EVI5L: variants seen among roughly 807,000 people sequenced by gnomAD.
EVI5L encodes the protein EVI5-like protein.
A neutral mutation model predicts 106.1 loss-of-function variants in EVI5L; 30 were observed. The observed-to-expected ratio is 0.28, with a 90% CI of 0.21 to 0.38. The LOEUF (loss-of-function observed/expected upper bound fraction) is 0.38, where lower values mean the gene tolerates loss of function less well. Among genes scored for constraint, EVI5L ranks in the 10% least tolerant of loss-of-function variants. The pLI, the probability that EVI5L is intolerant of heterozygous loss-of-function variation, is 1.00. For missense variants in EVI5L, 809 were observed against 1,098.0 expected, an observed-to-expected ratio of 0.74 and a Z score of 3.72; for synonymous variants, 489 against 483.3, an observed-to-expected ratio of 1.01 and a Z score of -0.15.
rs1001144769 is a variant in EVI5L, at chr19:7,858,107, C to T, written c.1234-84C>T. ...CTTCCCCCCACCTCCACTCTCTGGG[C>T]CTCCCCCTGTGGCGGGAGGCAGGGC... On this transcript the variant is annotated intron_variant, in intron 12 of 19. Transcript: ENST00000538904. The surrounding 1 kb of genome is among the most constrained non-coding windows in gnomAD (Gnocchi z 5.7). The T allele has an allele frequency of 6.7e-7, 1 of 1,495,896 alleles. No individual in the cohort carries two copies. The highest frequency in any genetic ancestry group is 9.0e-7 in the Non-Finnish European group (1 of 1,115,026). The allele number at this position is 1,495,896 out of a possible 1,614,324, so 92.7% of individuals were successfully genotyped here.
chr19:7,858,480 G>C lies in EVI5L; in HGVS notation c.1374+149G>C. The C allele has an allele frequency of 2.0e-6, 2 of 999,160 alleles. No individual in the cohort carries two copies. Among genetic ancestry groups the C allele is most frequent in the Non-Finnish European group, 2.8e-6 (2 of 703,994 alleles). The allele number at this position is 999,160 out of a possible 1,614,324, so 61.9% of individuals were successfully genotyped here. A position where few individuals can be genotyped will look rare whatever the true frequency, so the allele number is the denominator to read the frequency against. ...TGGGGTAAGGGGAACCCAGAGACAA[G>C]CGCAGATTCTCCCCCAGCAGCTCCA... On this transcript the variant is annotated intron_variant, in intron 13 of 19. Transcript: ENST00000538904. This position sits in a 1 kb window ranked among gnomAD's most constrained non-coding sequence, Gnocchi z 5.7.
rs1392239701 is a variant in EVI5L at position 7,860,480 on chromosome 19, C to T, written c.1375-81C>T. On this transcript the variant is annotated intron_variant, in intron 13 of 19. Coordinates refer to ENST00000538904, the MANE Select transcript of EVI5L (RefSeq NM_001159944.3). Reference sequence around the variant, plus strand: ...TCCCTGCTGAAGGGCTCTGGGGAGGCGGGGAGAAGCCAGCAGGCATGGAGG... The same window carrying T: ...TCCCTGCTGAAGGGCTCTGGGGAGGTGGGGAGAAGCCAGCAGGCATGGAGG... The T allele has an allele frequency of 1.7e-5, 22 of 1,271,562 alleles. No homozygotes were observed. The East Asian group carries it at 3.7e-4, about 21-fold the overall frequency. 78.8% of individuals were successfully genotyped at this position (1,271,562 alleles called of 1,614,324 possible).
rs927084397 is a variant in EVI5L, at chr19:7,863,368, T to G, written c.2140-56T>G. The G allele has an allele frequency of 3.9e-6, 6 of 1,537,754 alleles. No individual in the cohort carries two copies. In the African/African-American group the frequency reaches 8.3e-5, roughly 21 times the overall value. ...GCAGGTGCCTTGCGGAGGATGCGGC[T>G]GGGAGGGCGGGGCAGAAGGCCGGTC... On this transcript the variant is annotated intron_variant, in intron 19 of 19. Coordinates refer to ENST00000538904, the MANE Select transcript of EVI5L (RefSeq NM_001159944.3). This position sits in a 1 kb window ranked among gnomAD's most constrained non-coding sequence, Gnocchi z 7.7.
chr19:7,857,266 T>C lies in EVI5L; in HGVS notation c.1233+142T>C. 8.6e-7 allele frequency: 1 copy of C among 1,162,262 alleles called. No homozygotes were observed. The highest frequency in any genetic ancestry group is 1.2e-6 in the Non-Finnish European group (1 of 800,430). 72.0% of individuals were successfully genotyped at this position (1,162,262 alleles called of 1,614,324 possible). A position where few individuals can be genotyped will look rare whatever the true frequency, so the allele number is the denominator to read the frequency against. On this transcript the variant is annotated intron_variant, in intron 12 of 19. Coordinates refer to ENST00000538904, the MANE Select transcript of EVI5L (RefSeq NM_001159944.3). The surrounding 1 kb of genome is among the most constrained non-coding windows in gnomAD (Gnocchi z 4.5). The stretch of plus-strand genomic sequence containing the variant: ...GCATGGAGCAGCTGGGGACCGCTTC[T>C]GGGGGACACAGAGGCTTCCCGGGGG...
intron 1 of EVI5L, among the ~76,000 whole-genome samples, chr19:7,843,617 G>T (rs1978808845): frequency 6.7e-6 from 1 of 150,094 alleles, no homozygotes; most frequent in Non-Finnish European, 1.5e-5. Context: ...GTATAGGTGT[G>T]TGTGAATAGG....
Position 7,863,369 on chromosome 19 carries a change from G to GGGA in EVI5L, c.2140-52_2140-50dup. On this transcript the variant is annotated intron_variant, in intron 19 of 19. Coordinates refer to ENST00000538904, the MANE Select transcript of EVI5L (RefSeq NM_001159944.3). This position sits in a 1 kb window ranked among gnomAD's most constrained non-coding sequence, Gnocchi z 7.7. ...CAGGTGCCTTGCGGAGGATGCGGCTGGGAGGGCGGGGCAGAAGGCCGGTCC... is the reference window on the plus strand; with the variant it reads ...CAGGTGCCTTGCGGAGGATGCGGCTGGGAGGAGGGCGGGGCAGAAGGCCGGTCC... 6.5e-7 allele frequency: 1 copy of GGGA among 1,537,078 alleles called. No individual in the cohort carries two copies. The highest frequency in any genetic ancestry group is 1.4e-5 in the African/African-American group (1 of 72,614).
Position 7,848,053 on chromosome 19 carries a change from C to T in EVI5L, c.327+132C>T. 6 of 983,792 alleles carry T rather than the reference C, an allele frequency of 6.1e-6. No individual in the cohort carries two copies. The South Asian group carries it at 6.9e-5, about 11-fold the overall frequency. 60.9% of individuals were successfully genotyped at this position (983,792 alleles called of 1,614,324 possible). On this transcript the variant is annotated intron_variant, in intron 3 of 19. Transcript: ENST00000538904. The surrounding 1 kb of genome is among the most constrained non-coding windows in gnomAD (Gnocchi z 4.8). The stretch of plus-strand genomic sequence containing the variant: ...AGCGGCAGCAGTGGAGATGTGCAGG[C>T]ACTTTCAGGGTGTCCTGCCAGAGCA...
At position 7,851,463 on chromosome 19, in the gene EVI5L, C is replaced by T; in HGVS notation, c.783C>T (p.Phe261=). ...AGCTCCCAGACCTCAACACCCACTTCCGTTCCCAAAGCTTCCACACATCCA... is the reference window on the plus strand; with the variant it reads ...AGCTCCCAGACCTCAACACCCACTTTCGTTCCCAAAGCTTCCACACATCCA... ...QEQLPDLNTH[F]RSQSFHTSMY... Residue 261 remains phenylalanine, a synonymous_variant, in exon 7 of 20, where the codon TTC becomes TTT. Transcript: ENST00000538904. 1 of 1,613,266 alleles carries T rather than the reference C, an allele frequency of 6.2e-7. No individual in the cohort carries two copies. Among genetic ancestry groups the T allele is most frequent in the Non-Finnish European group, 8.5e-7 (1 of 1,179,614 alleles).
intron 10 of EVI5L, 129 bp downstream of exon 10, chr19:7,853,462 G>A (rs1979363263): frequency 7.7e-7 from 1 of 1,294,348 alleles, no homozygotes; most frequent in Non-Finnish European, 1.1e-6. Flanking sequence ...GTCCTTGGCG[G>A]ACAGGCCTCC....
At chr19:7,844,331 CA>C (rs71179149) in intron 1 of EVI5L, among the ~76,000 whole-genome samples, 66,096 of 131,810 alleles carry the variant, frequency 0.5, 16,033 homozygotes, top group South Asian at 0.74. Flanking sequence ...GACTCCGTCT[CA>C]AAAAAAAAAA....
intron 1 of EVI5L, among the ~76,000 whole-genome samples, chr19:7,833,574 C>A (rs1978304950): frequency 6.6e-6 from 1 of 152,234 alleles, no homozygotes; most frequent in South Asian, 2.1e-4. Flanking sequence ...ACGTATGGAC[C>A]AGGTCACAGG....
intron 13 of EVI5L, among the ~76,000 whole-genome samples, chr19:7,860,048 T>C (rs1017131354): frequency 2.6e-5 from 4 of 152,202 alleles, no homozygotes; most frequent in African/African-American, 9.6e-5. Flanking sequence ...GGGCCCCCAC[T>C]GGGGAACTTC....
At chr19:7,836,473 C>A (rs1978348219) in intron 1 of EVI5L, among the ~76,000 whole-genome samples, 1 of 152,156 alleles carries the variant, frequency 6.6e-6, no homozygotes, top group Non-Finnish European at 1.5e-5. Flanking sequence ...AGAGCTGCAG[C>A]ACAGCGGGTG....
chr19:7,854,294 A>AAG (rs906333601), intron 10 of EVI5L, among the ~76,000 whole-genome samples: 2 of 128,770 alleles, frequency 1.6e-5, no homozygotes, highest in Admixed American at 8.6e-5. Context: ...AAAAAAAAAA[A>AAG]AAAGAAAAGA....
intron 1 of EVI5L, among the ~76,000 whole-genome samples, chr19:7,837,941 G>A (rs752430702): frequency 3.3e-5 from 5 of 152,034 alleles, no homozygotes; most frequent in Non-Finnish European, 7.4e-5. Flanking sequence ...GACCTCAGGC[G>A]ATCTGCCTGC....
chr19:7,843,357 A>C lies in EVI5L; in HGVS notation c.-47-3139A>C, dbSNP rs369997650. Reference sequence around the variant, plus strand: ...GTGCATGTGTGTGTATAGGTGTGTGAGTGTGAGAATAGGCATGGGTGTGTC... The same window carrying C: ...GTGCATGTGTGTGTATAGGTGTGTGCGTGTGAGAATAGGCATGGGTGTGTC... On this transcript the variant is annotated intron_variant, in intron 1 of 19. Coordinates refer to ENST00000538904, the MANE Select transcript of EVI5L (RefSeq NM_001159944.3). Among the ~76,000 whole-genome samples the C allele has an allele frequency of 2.3e-4, 21 of 92,820 alleles. No homozygotes were observed. The East Asian group carries it at 5.3e-3, about 23-fold the overall frequency. 60.9% of individuals were successfully genotyped at this position (92,820 alleles called of 152,430 possible). A position where few individuals can be genotyped will look rare whatever the true frequency, so the allele number is the denominator to read the frequency against.
intron 1 of EVI5L, among the ~76,000 whole-genome samples, chr19:7,843,392 C>CAGGTGTGTGT (rs1555692200): frequency 9.3e-6 from 1 of 107,138 alleles, no homozygotes; most frequent in Non-Finnish European, 1.8e-5. Context: ...CGAGTGTGTG[C>CAGGTGTGTGT]ATAGGTGTGT....
chr19:7,862,163 G>A lies in EVI5L; in HGVS notation c.1686G>A (p.Arg562=). 2 of 1,577,028 alleles carry A rather than the reference G, an allele frequency of 1.3e-6. No homozygotes were observed. The highest frequency in any genetic ancestry group is 1.2e-5 in the South Asian group (1 of 86,726). The change falls in exon 16 of 20, where the codon CGG becomes CGA. Residue 562 remains arginine, a synonymous_variant. Coordinates refer to ENST00000538904, the MANE Select transcript of EVI5L (RefSeq NM_001159944.3). ...ARGGRWKESP[R]KLVVGELQDE... is the part of the protein sequence containing the mutation. ...GCGGCCGCTGGAAGGAGTCCCCACGGAAGCTGGTCGTGGGCGAGCTGCAGG... is the reference window on the plus strand; with the variant it reads ...GCGGCCGCTGGAAGGAGTCCCCACGAAAGCTGGTCGTGGGCGAGCTGCAGG...
rs1363065722 is a variant in EVI5L, at chr19:7,864,772, C to G, written c.*1070C>G. On this transcript the variant is annotated 3_prime_UTR_variant, in exon 20 of 20. Coordinates refer to ENST00000538904, the MANE Select transcript of EVI5L (RefSeq NM_001159944.3). The surrounding 1 kb of genome is among the most constrained non-coding windows in gnomAD (Gnocchi z 4.5). Reference sequence around the variant, plus strand: ...AGTAGAGTAGCGTCACAAGCAATCTCCCTGGCGCTTCCTGGGTGGGGACCC... The same window carrying G: ...AGTAGAGTAGCGTCACAAGCAATCTGCCTGGCGCTTCCTGGGTGGGGACCC... The G allele has an allele frequency of 6.6e-6, 1 of 152,508 alleles. No individual in the cohort carries two copies. Among genetic ancestry groups the G allele is most frequent in the East Asian group, 1.9e-4 (1 of 5,146 alleles). The allele number at this position is 152,508 out of a possible 1,614,324, so 9.4% of individuals were successfully genotyped here.
Sources: gnomAD v4.1 joint callset for allele counts (sites outside exome capture counted in the v4.1 genomes callset) on GRCh38, gnomAD v4.1.1 for gene constraint, Gnocchi (gnomAD v3.1) non-coding constraint, MANE v1.5 for transcripts, NCBI Gene and HGNC (gene_info 2026-07-23, HGNC 2026-07-21) for gene names.